ABCB1: variants seen among roughly 807,000 people sequenced by gnomAD.
The protein encoded by ABCB1 is ATP binding cassette subfamily B member 1, also known as ATP-dependent translocase ABCB1.
In ABCB1, 69 loss-of-function variants were observed where a neutral mutation model predicts 142.0. The ratio of observed to expected loss-of-function variants is 0.49; its 90% CI spans 0.40 to 0.59. ABCB1 has a LOEUF of 0.59. Among genes scored for constraint, ABCB1 ranks in the 20% least tolerant of loss-of-function variants. ABCB1 has a pLI of 0.00. For missense variants in ABCB1, 1,326 were observed against 1,554.7 expected (o/e 0.85, Z 2.47); for synonymous variants, 532 against 539.2 (o/e 0.99, Z 0.18).
chr7:87,586,793 T>G (rs1353970543), intron 3 of ABCB1, among the ~76,000 whole-genome samples: 1 of 152,002 alleles, frequency 6.6e-6, no homozygotes, highest in Non-Finnish European at 1.5e-5. Flanking sequence ...AGTGGAGAAA[T>G]AAAGAATGGT....
chr7:87,550,606 A>G (rs748108723), intron 10 of ABCB1, 28 bp from the exon 11 acceptor site: 3 of 1,600,030 alleles, frequency 1.9e-6, no homozygotes, highest in Non-Finnish European at 2.6e-6. Flanking sequence ...TTAAGAGATT[A>G]CTAGGTTACA....
chr7:87,515,032 G>T (rs985257515), intron 25 of ABCB1, among the ~76,000 whole-genome samples, 199 bp downstream of exon 25: 2 of 152,200 alleles, frequency 1.3e-5, no homozygotes, highest in African/African-American at 4.8e-5. Flanking sequence ...GGGTAGAGGG[G>T]TAGTGTTGAG....
intron 1 of ABCB1, among the ~76,000 whole-genome samples, chr7:87,626,849 C>G (rs1820690255): frequency 6.6e-6 from 1 of 151,956 alleles, no homozygotes. Flanking sequence ...AGTCTCCGCT[C>G]ACTGCAACCT....
chr7:87,522,414 A>T (rs1815556740), intron 21 of ABCB1: 4 of 665,108 alleles, frequency 6.0e-6, no homozygotes, highest in South Asian at 5.5e-5. Context: ...AGAAGATTTT[A>T]AATTACTGCC....
chr7:87,545,197 C>T (rs1194062385), intron 15 of ABCB1, among the ~76,000 whole-genome samples, 198 bp from the exon 16 acceptor site: 2 of 152,098 alleles, frequency 1.3e-5, no homozygotes, highest in Admixed American at 6.6e-5. Flanking sequence ...ACGAAAACCA[C>T]CAAAGAAGAA....
intron 6 of ABCB1, 108 bp downstream of exon 6, chr7:87,566,677 G>GT: frequency 1.8e-6 from 2 of 1,141,274 alleles, no homozygotes; most frequent in Non-Finnish European, 2.6e-6. Context: ...TGTCTCATAA[G>GT]TACCTTTGAA....
At chr7:87,546,068 C>T (rs774075811) in intron 14 of ABCB1, 44 bp from the exon 15 acceptor site, 5 of 1,589,578 alleles carry the variant, frequency 3.1e-6, no homozygotes, top group South Asian at 2.2e-5. Flanking sequence ...TAACAATTAC[C>T]TGAAGAAACT....
chr7:87,688,350 G>C (rs1046456783), intron 1 of ABCB1, among the ~76,000 whole-genome samples: 1 of 151,878 alleles, frequency 6.6e-6, no homozygotes, highest in Admixed American at 6.6e-5. Context: ...TCTAAAAACA[G>C]AGAGCTACAC....
At chr7:87,636,418 G>A (rs1821780584) in intron 1 of ABCB1, among the ~76,000 whole-genome samples, 1 of 152,102 alleles carries the variant, frequency 6.6e-6, no homozygotes, top group African/African-American at 2.4e-5. Context: ...TGGAATCTCT[G>A]CTTTTTGTTT....
chr7:87,535,354 A>T (rs1352239085), intron 20 of ABCB1, among the ~76,000 whole-genome samples: 50 of 113,574 alleles, frequency 4.4e-4, no homozygotes, highest in Admixed American at 6.4e-4. Flanking sequence ...TTTTTTTTTG[A>T]GACATAGTCT....
At chr7:87,684,615 G>A (rs992268394) in intron 1 of ABCB1, among the ~76,000 whole-genome samples, 2 of 151,996 alleles carry the variant, frequency 1.3e-5, no homozygotes, top group African/African-American at 4.8e-5. Flanking sequence ...GGGCATGGTA[G>A]CACGTGCCTG....
chr7:87,525,215 T>C (rs1250863118), intron 21 of ABCB1, among the ~76,000 whole-genome samples: 2 of 152,152 alleles, frequency 1.3e-5, no homozygotes, highest in African/African-American at 2.4e-5. Context: ...CAAGAACAAA[T>C]AGCATCGAGT....
intron 7 of ABCB1, 25 bp from the exon 8 acceptor site, chr7:87,561,412 C>T (rs774401673): frequency 3.8e-6 from 6 of 1,594,230 alleles, no homozygotes; most frequent in African/African-American, 1.3e-5. Context: ...AATTTTGGAT[C>T]ATGAAAAAAA....
intron 1 of ABCB1, chr7:87,700,339 T>C: frequency 8.1e-7 from 1 of 1,229,500 alleles, no homozygotes; most frequent in Non-Finnish European, 1.1e-6. Flanking sequence ...CCTTTATTTT[T>C]CAGAATTTTA....
chr7:87,602,046 T>G (rs1375515265), upstream of ABCB1, among the ~76,000 whole-genome samples: 1 of 152,156 alleles, frequency 6.6e-6, no homozygotes, highest in African/African-American at 2.4e-5. Flanking sequence ...CAGGCTGGAG[T>G]GCAGTGGCAG....
chr7:87,505,942 C>T lies in ABCB1; in HGVS notation c.3591G>A (p.Leu1197=). The T allele has an allele frequency of 6.2e-7, 1 of 1,614,132 alleles. No homozygotes were observed. Among genetic ancestry groups the T allele is most frequent in the African/African-American group, 1.3e-5 (1 of 75,044 alleles). ...ARALVRQPHI[L]LLDEATSALD... ...GAGCTGACGTGGCTTCATCCAAAAG[C>T]AAAATATGAGGCTGTCTAACAAGGG... is the stretch of plus-strand genomic sequence containing the variant. Residue 1197 remains leucine, a synonymous_variant, in exon 27 of 28, where the codon TTG becomes TTA. Transcript: ENST00000622132.
chr7:87,672,758 G>C lies in ABCB1; in HGVS notation c.-331+40403C>G, dbSNP rs567652775. On this transcript the variant is annotated intron_variant, in intron 1 of 28. Coordinates refer to the ABCB1 transcript ENST00000265724. ...TGCAAAGATTCATGGGAGAAGTGTG[G>C]TTTCCTGAGGTCACACATTGACTCA... Among the ~76,000 whole-genome samples, 6 of 152,300 alleles carry C rather than the reference G, an allele frequency of 3.9e-5. No individual in the cohort carries two copies. The East Asian group carries it at 1.2e-3, about 29-fold the overall frequency.
At chr7:87,701,811 A>G (rs934547823) in intron 1 of ABCB1, among the ~76,000 whole-genome samples, 1 of 152,210 alleles carries the variant, frequency 6.6e-6, no homozygotes, top group South Asian at 2.1e-4. Context: ...ATATCTAATT[A>G]TCTTGTAAAG....
intron 1 of ABCB1, among the ~76,000 whole-genome samples, chr7:87,610,134 A>G (rs1478932325): frequency 6.6e-6 from 1 of 151,810 alleles, no homozygotes; most frequent in Non-Finnish European, 1.5e-5. Context: ...TATTGTCTCT[A>G]CTGTTTGAAT....
Sources: gnomAD v4.1 joint callset for allele counts (sites outside exome capture counted in the v4.1 genomes callset) on GRCh38, gnomAD v4.1.1 for gene constraint, MANE v1.5 for transcripts, NCBI Gene and HGNC (gene_info 2026-07-23, HGNC 2026-07-21) for gene names.